The following GPC3 variants were observed in gnomAD, a reference collection of about 807,000 sequenced individuals.
The protein encoded by GPC3 is glypican 3.
GPC3 carries 3 observed loss-of-function variants against 34.4 expected under a neutral mutation model. The observed-to-expected ratio is 0.09, with a 90% CI of 0.04 to 0.23. GPC3 has a LOEUF of 0.23. Ranked by LOEUF, GPC3 falls within the 10% of genes least tolerant of loss-of-function variation. The pLI, the probability that GPC3 is intolerant of heterozygous loss-of-function variation, is 1.00. For synonymous variants in GPC3, 177 were observed against 174.0 expected (o/e 1.02, Z -0.13); for missense variants, 351 against 445.6 (o/e 0.79, Z 1.91).
Position 133,657,428 on chromosome X carries a change from AGTT to A in GPC3, c.1413+4299_1413+4301del, listed in dbSNP as rs747658780. Among the ~76,000 whole-genome samples the A allele has an allele frequency of 2.8e-3, 318 of 112,250 alleles. 1 individual carries two copies. Among genetic ancestry groups the A allele is most frequent in the African/African-American group, 9.8e-3 (302 of 30,891 alleles). On this transcript the variant is annotated intron_variant, in intron 6 of 7. Transcript: ENST00000370818. ...AATGATACTAACAAAAACAAAACTT[AGTT>A]GTTGTTGTTTTAAAGCAACATGGCC...
chrX:133,839,327 T>C (rs931099597), intron 2 of GPC3, among the ~76,000 whole-genome samples: 2 of 111,816 alleles, frequency 1.8e-5, no homozygotes, highest in Admixed American at 1.9e-4. Context: ...AGGACTTTTA[T>C]CAGGGGGGTC....
intron 2 of GPC3, among the ~76,000 whole-genome samples, chrX:133,930,783 G>T (rs968758939): frequency 9.0e-6 from 1 of 111,421 alleles, no homozygotes; most frequent in Middle Eastern, 4.2e-3. Context: ...CTACAGGCGC[G>T]TGTCACCACG....
intron 2 of GPC3, among the ~76,000 whole-genome samples, chrX:133,942,975 T>A (rs1056803153): frequency 8.9e-6 from 1 of 112,102 alleles, no homozygotes; most frequent in Non-Finnish European, 1.9e-5. Context: ...CAAGTCCTTT[T>A]TTAAACTTGA....
intron 2 of GPC3, among the ~76,000 whole-genome samples, chrX:133,917,734 C>T (rs975831047): frequency 8.9e-6 from 1 of 111,734 alleles, no homozygotes; most frequent in African/African-American, 3.3e-5. Flanking sequence ...ACAGTAATAA[C>T]AATAAAAGTC....
rs183672986 is a variant in GPC3, at chrX:133,798,967, C to T, written c.338-44791G>A. 9.0e-5 allele frequency among the ~76,000 whole-genome samples: 10 copies of T among 111,529 alleles called. No homozygotes were observed. In the East Asian group the frequency reaches 2.0e-3, roughly 22 times the overall value. On this transcript the variant is annotated intron_variant, in intron 2 of 7. Transcript: ENST00000370818. ...ACCACCTTCATTACTTGTAGGGTCCCGTGCAAAATAAAAATGTGGTCCCCT... is the reference window on the plus strand; with the variant it reads ...ACCACCTTCATTACTTGTAGGGTCCTGTGCAAAATAAAAATGTGGTCCCCT...
intron 2 of GPC3, among the ~76,000 whole-genome samples, chrX:133,857,197 T>A (rs1569445975): frequency 9.0e-6 from 1 of 111,593 alleles, no homozygotes; most frequent in Non-Finnish European, 1.9e-5. Flanking sequence ...TCTGACCTAT[T>A]CTTCCTGTTC....
chrX:133,878,223 G>A (rs2076025564), intron 2 of GPC3, among the ~76,000 whole-genome samples: 1 of 110,915 alleles, frequency 9.0e-6, no homozygotes, highest in African/African-American at 3.3e-5. Flanking sequence ...AGGTCAGGAG[G>A]TCAAGACCAG....
chrX:133,710,140 C>T (rs1442438700), intron 3 of GPC3, among the ~76,000 whole-genome samples: 1 of 111,877 alleles, frequency 8.9e-6, no homozygotes, highest in African/African-American at 3.2e-5. Context: ...ATTATTTGAA[C>T]ATTTCATACA....
At chrX:133,627,593 C>G (rs1360340962) in intron 6 of GPC3, among the ~76,000 whole-genome samples, 1 of 112,195 alleles carries the variant, frequency 8.9e-6, no homozygotes, top group Admixed American at 9.5e-5. Context: ...ACTCTTTCCT[C>G]TAAACTAATG....
At chrX:133,809,344 C>G (rs189480891) in intron 2 of GPC3, among the ~76,000 whole-genome samples, 14 of 111,813 alleles carry the variant, frequency 1.3e-4, no homozygotes, top group African/African-American at 4.2e-4. Flanking sequence ...GCCTAGACAT[C>G]CAGGTTTATT....
chrX:133,549,896 C>T (rs937947488), intron 7 of GPC3, among the ~76,000 whole-genome samples: 1 of 101,218 alleles, frequency 9.9e-6, no homozygotes, highest in Non-Finnish European at 2.0e-5. Flanking sequence ...CTCCTTCTCT[C>T]TTTCTATCCT....
At chrX:133,742,598 C>T (rs1436384245) in intron 3 of GPC3, among the ~76,000 whole-genome samples, 1 of 111,549 alleles carries the variant, frequency 9.0e-6, no homozygotes, top group Non-Finnish European at 1.9e-5. Flanking sequence ...AATCATATAA[C>T]GTGTATAAAA....
intron 3 of GPC3, among the ~76,000 whole-genome samples, chrX:133,746,420 G>T (rs370500395): frequency 8.9e-6 from 1 of 112,397 alleles, no homozygotes; most frequent in African/African-American, 3.2e-5. Flanking sequence ...TGTAATATAC[G>T]TATAATTTCA....
intron 2 of GPC3, among the ~76,000 whole-genome samples, chrX:133,755,201 T>G (rs921865780): frequency 8.9e-6 from 1 of 112,156 alleles, no homozygotes; most frequent in Non-Finnish European, 1.9e-5. Context: ...ACACTTAAAA[T>G]TAACTTAGTC....
rs1556271627 is a variant in GPC3, at chrX:133,699,997, C to T, written c.1064G>A (p.Arg355His). 3 of 1,189,679 alleles carry T rather than the reference C, an allele frequency of 2.5e-6. No individual in the cohort carries two copies. The highest frequency in any genetic ancestry group is 1.8e-5 in the African/African-American group (1 of 56,845). Residue 355 changes from arginine to histidine, a missense_variant, in exon 4 of 8, where the codon CGC (arginine) becomes CAC (histidine). Coordinates refer to ENST00000370818, the MANE Select transcript of GPC3 (RefSeq NM_004484.4). ...IGKLCAHSQQ[R>H]QYRSAYYPED... ...AGGATAATAAGCAGATCTATATTGG[C>T]GTTGTTGAGAATGGGCACATAACTT...
intron 2 of GPC3, among the ~76,000 whole-genome samples, chrX:133,934,777 C>T (rs2076316167): frequency 9.1e-6 from 1 of 109,599 alleles, no homozygotes; most frequent in African/African-American, 3.3e-5. Flanking sequence ...TCCTCCTCAG[C>T]CTCCCAAAGT....
intron 3 of GPC3, among the ~76,000 whole-genome samples, chrX:133,727,214 C>T (rs913747651): frequency 9.0e-6 from 1 of 111,686 alleles, no homozygotes; most frequent in Non-Finnish European, 1.9e-5. Context: ...ATCTTTATGA[C>T]ATGCCAACCT....
At position 133,929,775 on chromosome X, in the gene GPC3, T is replaced by C. The variant is rs149316585; in HGVS notation, c.337+23275A>G. On this transcript the variant is annotated intron_variant, in intron 2 of 7. Coordinates refer to ENST00000370818, the MANE Select transcript of GPC3 (RefSeq NM_004484.4). ...TACTTCTGATGGAGAAAACATGGCA[T>C]TTGAGGCAAACAGAAACTTAGTAAA... is the stretch of plus-strand genomic sequence containing the variant. Among the ~76,000 whole-genome samples, 19 of 112,110 alleles carry C rather than the reference T, an allele frequency of 1.7e-4. No homozygotes were observed. The East Asian group carries it at 4.8e-3, about 28-fold the overall frequency.
At position 133,924,554 on chromosome X, in the gene GPC3, G is replaced by A. The variant is rs193188448; in HGVS notation, c.337+28496C>T. Among the ~76,000 whole-genome samples the A allele has an allele frequency of 8.1e-5, 9 of 111,451 alleles. No individual in the cohort carries two copies. In the East Asian group the frequency reaches 1.4e-3, roughly 18 times the overall value. On this transcript the variant is annotated intron_variant, in intron 2 of 7. Coordinates refer to ENST00000370818, the MANE Select transcript of GPC3 (RefSeq NM_004484.4). ...TAGCCAATCAATCTGACTTGAAATCGCCCCCAACACAATTGGCAGAAAGCC... is the reference window on the plus strand; with the variant it reads ...TAGCCAATCAATCTGACTTGAAATCACCCCCAACACAATTGGCAGAAAGCC...
Sources: allele counts gnomAD v4.1 joint callset (sites outside exome capture counted in the v4.1 genomes callset), GRCh38; gene constraint gnomAD v4.1.1; transcripts MANE v1.5; gene names NCBI Gene and HGNC (gene_info 2026-07-23, HGNC 2026-07-21).